The following PSMA3 variants were observed in gnomAD, a reference collection of about 807,000 sequenced individuals.
PSMA3 encodes the protein proteasome 20S subunit alpha 3.
PSMA3 carries 8 observed loss-of-function variants against 40.0 expected under a neutral mutation model. That is an observed-to-expected ratio of 0.20 (90% CI 0.12 to 0.36). The LOEUF is 0.36. Among genes scored for constraint, PSMA3 ranks in the 10% least tolerant of loss-of-function variants. The pLI is 1.00. For synonymous variants in PSMA3, 110 were observed against 100.0 expected (o/e 1.10, Z -0.59); for missense variants, 219 against 310.6 (o/e 0.70, Z 2.22).
At chr14:58,249,902 T>C (rs1377908222) in intron 2 of PSMA3, among the ~76,000 whole-genome samples, 3 of 152,132 alleles carry the variant, frequency 2.0e-5, no homozygotes, top group Non-Finnish European at 4.4e-5. Flanking sequence ...TTAAACAGTG[T>C]GGAAGATGTT....
At chr14:58,245,712 TA>T (rs1889865966) in intron 1 of PSMA3, among the ~76,000 whole-genome samples, 1 of 152,254 alleles carries the variant, frequency 6.6e-6, no homozygotes, top group Non-Finnish European at 1.5e-5. Context: ...TACTTCTCTA[TA>T]TAGAAAATAC....
intron 5 of PSMA3, among the ~76,000 whole-genome samples, chr14:58,260,295 TA>T (rs1299575411): frequency 2.0e-5 from 3 of 152,216 alleles, no homozygotes; most frequent in Admixed American, 1.3e-4. Flanking sequence ...AAATAGCTGT[TA>T]CACTGTATTG....
intron 5 of PSMA3, 24 bp downstream of exon 5, chr14:58,258,022 A>G (rs1434628511): frequency 1.9e-6 from 3 of 1,557,672 alleles, no homozygotes; most frequent in South Asian, 1.1e-5. Context: ...TGAATTATTC[A>G]AAAGGCAGAT....
chr14:58,262,253 G>A (rs1458889396), intron 6 of PSMA3, among the ~76,000 whole-genome samples: 3 of 151,566 alleles, frequency 2.0e-5, no homozygotes, highest in East Asian at 2.0e-4. Flanking sequence ...ACAGCGTCTC[G>A]CTCTGTCACC....
rs1889846997 is a variant in PSMA3 at position 58,245,024 on chromosome 14, G to T, written c.21+83G>T. 7 of 1,591,556 alleles carry T rather than the reference G, an allele frequency of 4.4e-6. No individual in the cohort carries two copies. In the Admixed American group the frequency reaches 8.3e-5, roughly 19 times the overall value. ...CTCGGACAGACCACATGGGGTTCGCGGACCCGGGGTGCTCTGAGACCGCCT... is the reference window on the plus strand; with the variant it reads ...CTCGGACAGACCACATGGGGTTCGCTGACCCGGGGTGCTCTGAGACCGCCT... On this transcript the variant is annotated intron_variant, in intron 1 of 10. Transcript: ENST00000216455.
In PSMA3 at chr14:58,268,449, G is replaced by A. The variant is rs978158364; in HGVS notation, c.590+929G>A. 1.6e-4 allele frequency among the ~76,000 whole-genome samples: 24 copies of A among 151,936 alleles called. No homozygotes were observed. In the South Asian group the frequency reaches 1.9e-3, roughly 12 times the overall value. ...TCACACTCAGAGTCTCTTATTAACCGGTCCATCATTACTGCTACTGCCTTT... is the reference window on the plus strand; with the variant it reads ...TCACACTCAGAGTCTCTTATTAACCAGTCCATCATTACTGCTACTGCCTTT... On this transcript the variant is annotated intron_variant, in intron 8 of 10. Transcript: ENST00000216455.
At chr14:58,262,991 T>C (rs1890327225) in intron 6 of PSMA3, among the ~76,000 whole-genome samples, 1 of 150,782 alleles carries the variant, frequency 6.6e-6, no homozygotes, top group African/African-American at 2.4e-5. Context: ...CATCCTTTTT[T>C]TTTTTTTTTT....
At chr14:58,250,062 T>C (rs952382136) in intron 2 of PSMA3, among the ~76,000 whole-genome samples, 6 of 150,084 alleles carry the variant, frequency 4.0e-5, no homozygotes, top group African/African-American at 1.5e-4. Context: ...CTACTGAAAA[T>C]ACAAAAAATT....
intron 6 of PSMA3, 37 bp downstream of exon 6, chr14:58,261,057 T>C: frequency 7.2e-7 from 1 of 1,387,954 alleles, no homozygotes; most frequent in Non-Finnish European, 1.0e-6. Context: ...TCTATTTTAG[T>C]TTAATGGTAT....
chr14:58,247,571 G>T (rs1889908382), intron 1 of PSMA3, among the ~76,000 whole-genome samples, 179 bp from the exon 2 acceptor site: 1 of 152,170 alleles, frequency 6.6e-6, no homozygotes, highest in Admixed American at 6.5e-5. Context: ...GAAATCGAAG[G>T]TATATAGCTT....
intron 6 of PSMA3, 188 bp from the exon 7 acceptor site, chr14:58,263,517 G>A (rs1023430426): frequency 2.0e-5 from 9 of 446,298 alleles, no homozygotes; most frequent in African/African-American, 4.0e-5. Context: ...GGTTGTTTTG[G>A]AATTGTTTGG....
At chr14:58,251,279 C>T (rs976465649) in intron 2 of PSMA3, among the ~76,000 whole-genome samples, 4 of 152,174 alleles carry the variant, frequency 2.6e-5, no homozygotes, top group African/African-American at 9.7e-5. Flanking sequence ...CCACATTTTA[C>T]TTGAGGTTGT....
chr14:58,265,024 G>A (rs1890394924), intron 7 of PSMA3: 1 of 152,218 alleles, frequency 6.6e-6, no homozygotes, highest in South Asian at 2.1e-4. Context: ...AGTTTGGTAG[G>A]CCAAGTTGGG....
intron 3 of PSMA3, among the ~76,000 whole-genome samples, chr14:58,256,956 T>C (rs550730669): frequency 8.5e-4 from 128 of 150,358 alleles, no homozygotes; most frequent in African/African-American, 3.1e-3. Flanking sequence ...AAACCCTGTC[T>C]CTACTAAAAA....
At position 58,257,939 on chromosome 14, in the gene PSMA3, A is replaced by G. The variant is rs755832593; in HGVS notation, c.345A>G (p.Arg115=). 3 of 1,613,984 alleles carry G rather than the reference A, an allele frequency of 1.9e-6. No individual in the cohort carries two copies. The East Asian group carries it at 6.7e-5, about 36-fold the overall frequency. ...TCCCTCCATAGCATCTTGCAGACAG[A>G]GTGGCCATGTATGTGCATGCATATA... ...YNIPLKHLAD[R]VAMYVHAYTL... Residue 115 remains arginine, a synonymous_variant, in exon 5 of 11, where the codon AGA becomes AGG. Coordinates refer to ENST00000216455, the MANE Select transcript of PSMA3 (RefSeq NM_002788.4).
In PSMA3 at chr14:58,270,624, A is replaced by C. The variant is rs1026434696; in HGVS notation, c.658+139A>C. On this transcript the variant is annotated intron_variant, in intron 9 of 10. Coordinates refer to ENST00000216455, the MANE Select transcript of PSMA3 (RefSeq NM_002788.4). ...TAATGAAGGGAAAGTTCTGCTTAAT[A>C]ATTGACTTAAGTTGTGAACACGTTA... 10 of 1,455,252 alleles carry C rather than the reference A, an allele frequency of 6.9e-6. No individual in the cohort carries two copies. In the African/African-American group the frequency reaches 1.4e-4, roughly 21 times the overall value. 90.1% of individuals were successfully genotyped at this position (1,455,252 alleles called of 1,614,324 possible).
At chr14:58,263,300 T>TA (rs1414075245) in intron 6 of PSMA3, among the ~76,000 whole-genome samples, 4 of 152,102 alleles carry the variant, frequency 2.6e-5, no homozygotes, top group African/African-American at 7.2e-5. Context: ...TCCTTATCTT[T>TA]AAAAAAATTT....
intron 8 of PSMA3, chr14:58,269,691 CCA>C (rs1566645784): frequency 6.6e-6 from 1 of 151,932 alleles, no homozygotes; most frequent in Non-Finnish European, 1.5e-5. Flanking sequence ...CTCTGCCTCC[CCA>C]AAGTGCTAGG....
Position 58,254,574 on chromosome 14 carries a change from G to A in PSMA3, c.228+2332G>A, listed in dbSNP as rs11848355. The stretch of plus-strand genomic sequence containing the variant: ...TGGTCTTGAACTCCTGGGCTCAAGC[G>A]ATCCTCCCGCCTCAGCTTCTTGAGT... On this transcript the variant is annotated intron_variant, in intron 3 of 10. Transcript: ENST00000216455. Among the ~76,000 whole-genome samples the A allele has an allele frequency of 9.5e-3, 1,441 of 151,356 alleles. 21 individuals carry two copies. Among genetic ancestry groups the A allele is most frequent in the African/African-American group, 0.034 (1,394 of 41,224 alleles).
Sources: gnomAD v4.1 joint callset for allele counts (sites outside exome capture counted in the v4.1 genomes callset) on GRCh38, gnomAD v4.1.1 for gene constraint, MANE v1.5 for transcripts, NCBI Gene and HGNC (gene_info 2026-07-23, HGNC 2026-07-21) for gene names.